SAMSN1: variants seen among roughly 807,000 people sequenced by gnomAD.
SAMSN1 encodes SAM domain, SH3 domain and nuclear localization signals 1, also known as SAM domain-containing protein SAMSN-1.
Under a neutral mutation model 42.0 loss-of-function variants are expected in SAMSN1, and 31 were observed. That is an observed-to-expected ratio of 0.74 (90% CI 0.55 to 1.00). The LOEUF (loss-of-function observed/expected upper bound fraction) is 1.00, where lower values mean the gene tolerates loss of function less well. Among genes scored for constraint, SAMSN1 ranks in the 50% least tolerant of loss-of-function variants. The probability of loss-of-function intolerance (pLI) is 0.00; values close to 1 mark genes in which losing one functional copy is unlikely to be tolerated. For missense variants in SAMSN1, 464 were observed against 439.4 expected (o/e 1.06, Z -0.50); for synonymous variants, 178 against 151.9 (o/e 1.17, Z -1.26).
In SAMSN1 at chr21:14,510,435, T is replaced by C. The variant is rs768377466; in HGVS notation, c.436A>G (p.Thr146Ala). ...SSGITSCSDGTSNRDSFRLDD... is the reference protein window; with the variant it reads ...SSGITSCSDGASNRDSFRLDD... ...AGTCGAAAGCTGTCCCGGTTACTTG[T>C]ACCATCTGAACAGCTTGTTATGCCA... Residue 146 changes from threonine (T) to alanine (A), a missense_variant, in exon 5 of 8, where the codon ACA (threonine) becomes GCA (alanine). By Grantham distance (58) the Thr-to-Ala change is moderately conservative. Coordinates refer to ENST00000400566, the MANE Select transcript of SAMSN1 (RefSeq NM_022136.5). 1.4e-5 allele frequency: 23 copies of C among 1,614,182 alleles called. No individual in the cohort carries two copies. Among genetic ancestry groups the C allele is most frequent in the Non-Finnish European group, 1.3e-5 (15 of 1,180,008 alleles).
At chr21:14,618,663 TGTGTG>T (rs1982908460) in intron 2 of SAMSN1, among the ~76,000 whole-genome samples, 9 of 35,536 alleles carry the variant, frequency 2.5e-4, no homozygotes, top group African/African-American at 1.1e-3. Context: ...TGTATGTGTG[TGTGTG>T]TGTGTGTGTG....
chr21:14,518,868 C>T (rs1988033695), intron 2 of SAMSN1, among the ~76,000 whole-genome samples: 1 of 152,140 alleles, frequency 6.6e-6, no homozygotes, highest in Admixed American at 6.5e-5. Context: ...CCTTTTTCTT[C>T]TCTCTACTTA....
At chr21:14,514,688 T>C (rs1254062196) in intron 3 of SAMSN1, among the ~76,000 whole-genome samples, 1 of 152,226 alleles carries the variant, frequency 6.6e-6, no homozygotes, top group African/African-American at 2.4e-5. Context: ...TATTTTTGTT[T>C]TTATTTATTT....
chr21:14,517,527 G>T (rs934782307), intron 2 of SAMSN1, among the ~76,000 whole-genome samples: 1 of 152,094 alleles, frequency 6.6e-6, no homozygotes, highest in African/African-American at 2.4e-5. Flanking sequence ...TTTTAAAGAA[G>T]TTTTTGTGTT....
chr21:14,526,961 T>TCTC (rs1443733301), intron 1 of SAMSN1, among the ~76,000 whole-genome samples: 3 of 152,178 alleles, frequency 2.0e-5, no homozygotes, highest in African/African-American at 7.2e-5. Context: ...TCAGATGAAA[T>TCTC]CTCATCTCCA....
At chr21:14,634,187 A>T (rs890818092) in intron 2 of SAMSN1, among the ~76,000 whole-genome samples, 4 of 101,398 alleles carry the variant, frequency 3.9e-5, no homozygotes, top group South Asian at 3.1e-4. Context: ...ACTTAAATTT[A>T]AAACCCAAAA....
At chr21:14,584,828 T>C (rs190057236), upstream of SAMSN1, among the ~76,000 whole-genome samples, 4 of 152,216 alleles carry the variant, frequency 2.6e-5, no homozygotes, top group Non-Finnish European at 1.5e-5. Context: ...ATAATAATGC[T>C]TTCCAATCCT....
chr21:14,518,061 C>T (rs1477484931), intron 2 of SAMSN1, among the ~76,000 whole-genome samples: 3 of 152,212 alleles, frequency 2.0e-5, no homozygotes, highest in Non-Finnish European at 4.4e-5. Flanking sequence ...TGCTAGCCCC[C>T]TTGCAGTTTC....
chr21:14,568,639 C>A (rs539260956), intron 2 of SAMSN1, among the ~76,000 whole-genome samples: 1 of 152,048 alleles, frequency 6.6e-6, no homozygotes, highest in East Asian at 1.9e-4. Flanking sequence ...CTAAAGAAAC[C>A]CCAGCTAATG....
intron 2 of SAMSN1, among the ~76,000 whole-genome samples, chr21:14,633,196 T>C (rs879724284): frequency 2.0e-5 from 3 of 151,452 alleles, no homozygotes; most frequent in Non-Finnish European, 3.0e-5. Context: ...TCTCTCTCTC[T>C]ACACACACAC....
intron 3 of SAMSN1, among the ~76,000 whole-genome samples, chr21:14,615,022 A>T (rs1239496140): frequency 6.6e-6 from 1 of 152,142 alleles, no homozygotes; most frequent in Admixed American, 6.6e-5. Flanking sequence ...ATCATAAGCA[A>T]ACGGCTACTA....
chr21:14,534,303 A>G (rs1445093008), intron 1 of SAMSN1, among the ~76,000 whole-genome samples: 2 of 152,172 alleles, frequency 1.3e-5, no homozygotes, highest in African/African-American at 2.4e-5. Flanking sequence ...CGGAATCTGA[A>G]AGTCAGGTAG....
At position 14,651,996 on chromosome 21, in the gene SAMSN1, T is replaced by C. The variant is rs1179428509; in HGVS notation, c.24+6752A>G. Among the ~76,000 whole-genome samples the C allele has an allele frequency of 2.6e-5, 4 of 152,136 alleles. No individual in the cohort carries two copies. In the South Asian group the frequency reaches 6.2e-4, roughly 24 times the overall value. On this transcript the variant is annotated intron_variant, in intron 1 of 15. Transcript: ENST00000647101. ...GCTATAAGATATTGCTGAAATCAATTGAGGAGGACATAAAAAATTTGAAAA... is the reference window on the plus strand; with the variant it reads ...GCTATAAGATATTGCTGAAATCAATCGAGGAGGACATAAAAAATTTGAAAA...
intron 2 of SAMSN1, among the ~76,000 whole-genome samples, chr21:14,635,541 C>T (rs1983446885): frequency 6.6e-6 from 1 of 152,166 alleles, no homozygotes; most frequent in Non-Finnish European, 1.5e-5. Flanking sequence ...TGCGCATCAA[C>T]AGTAAATCCT....
upstream of SAMSN1, among the ~76,000 whole-genome samples, chr21:14,548,242 T>C (rs1054267666): frequency 3.3e-5 from 5 of 152,162 alleles, no homozygotes; most frequent in African/African-American, 1.2e-4. Flanking sequence ...TGGTAGAGTT[T>C]TGTTGATAGT....
At chr21:14,650,786 C>A (rs1283385668) in intron 1 of SAMSN1, among the ~76,000 whole-genome samples, 1 of 151,432 alleles carries the variant, frequency 6.6e-6, no homozygotes, top group South Asian at 2.1e-4. Context: ...AACTTTTAGA[C>A]AGACTGAAAA....
At chr21:14,550,226 C>T (rs776638439), upstream of SAMSN1, among the ~76,000 whole-genome samples, 7 of 152,014 alleles carry the variant, frequency 4.6e-5, no homozygotes, top group Non-Finnish European at 1.0e-4. Context: ...TTGTGAATCT[C>T]CTATATTTCC....
At chr21:14,594,701 CAGGACTGCAGCAA>C (rs1197831112) in intron 6 of SAMSN1, 1 of 152,128 alleles carries the variant, frequency 6.6e-6, no homozygotes, top group African/African-American at 2.4e-5. Flanking sequence ...TAGGGCACTT[CAGGACTGCAGCAA>C]AGGGCATTTG....
chr21:14,574,993 T>A (rs1233814602), intron 2 of SAMSN1, among the ~76,000 whole-genome samples: 1 of 152,184 alleles, frequency 6.6e-6, no homozygotes, highest in Non-Finnish European at 1.5e-5. Context: ...CACCAAAAAT[T>A]GCTATTACTT....
Sources: gnomAD v4.1 joint callset for allele counts (sites outside exome capture counted in the v4.1 genomes callset) on GRCh38, gnomAD v4.1.1 for gene constraint, MANE v1.5 for transcripts, NCBI Gene and HGNC (gene_info 2026-07-23, HGNC 2026-07-21) for gene names.